Variants in FYN observed in about 807,000 individuals in gnomAD.
The protein encoded by FYN is tyrosine-protein kinase Fyn.
FYN carries 10 observed loss-of-function variants against 70.2 expected under a neutral mutation model. That is an observed-to-expected ratio of 0.14 (90% CI 0.09 to 0.24). The LOEUF (loss-of-function observed/expected upper bound fraction) is 0.24, where lower values mean the gene tolerates loss of function less well. Among genes scored for constraint, FYN ranks in the 10% least tolerant of loss-of-function variants. The pLI, the probability that FYN is intolerant of heterozygous loss-of-function variation, is 1.00. For synonymous variants in FYN, 236 were observed against 248.6 expected (o/e 0.95, Z 0.48); for missense variants, 319 against 673.1 (o/e 0.47, Z 5.82).
intron 4 of FYN, among the ~76,000 whole-genome samples, chr6:111,716,014 A>G (rs550427419): frequency 4.6e-5 from 7 of 152,372 alleles, no homozygotes; most frequent in Non-Finnish European, 1.0e-4. Context: ...TTTAGTACAT[A>G]TAAGATAATA....
intron 9 of FYN, among the ~76,000 whole-genome samples, chr6:111,698,811 G>A (rs548257175): frequency 1.1e-4 from 17 of 152,238 alleles, no homozygotes; most frequent in African/African-American, 2.9e-4. Flanking sequence ...CCAGCCGGGC[G>A]TGGTGGCTCA....
chr6:111,858,112 G>A (rs750092955), intron 1 of FYN, among the ~76,000 whole-genome samples: 2 of 152,202 alleles, frequency 1.3e-5, no homozygotes, highest in East Asian at 1.9e-4. Flanking sequence ...CAGGACTGTC[G>A]GGATTTCCCC....
intron 1 of FYN, 24 bp from the exon 2 acceptor site, chr6:111,846,653 T>G (rs1029655329): frequency 7.5e-6 from 3 of 397,958 alleles, no homozygotes; most frequent in Middle Eastern, 6.2e-4. Flanking sequence ...AAAAAAAAAG[T>G]GAGACATCAA....
chr6:111,699,823 G>A (rs546399763), intron 9 of FYN: 1 of 768,482 alleles, frequency 1.3e-6, no homozygotes, highest in Non-Finnish European at 2.0e-6. Context: ...ATGGCAGCTG[G>A]AACATTCCTT....
intron 2 of FYN, among the ~76,000 whole-genome samples, chr6:111,802,827 G>A (rs773771194): frequency 1.3e-5 from 2 of 151,542 alleles, no homozygotes; most frequent in Non-Finnish European, 2.9e-5. Context: ...TTATTCCTTT[G>A]TGGGACAGGA....
chr6:111,725,307 A>G (rs1292164415), intron 3 of FYN, among the ~76,000 whole-genome samples: 1 of 152,230 alleles, frequency 6.6e-6, no homozygotes, highest in Non-Finnish European at 1.5e-5. Context: ...CCACATCAGC[A>G]GCAATGAGGT....
intron 1 of FYN, among the ~76,000 whole-genome samples, chr6:111,846,984 T>C (rs72944217): frequency 0.036 from 5,547 of 152,218 alleles, 126 homozygotes; most frequent in Middle Eastern, 0.068. Flanking sequence ...AAGTCATCAA[T>C]GGTTGGGGCA....
intron 2 of FYN, among the ~76,000 whole-genome samples, chr6:111,828,668 A>G (rs1772914084): frequency 6.6e-6 from 1 of 152,202 alleles, no homozygotes; most frequent in Admixed American, 6.5e-5. Context: ...GACACATTCT[A>G]TATGATCCAC....
intron 1 of FYN, among the ~76,000 whole-genome samples, chr6:111,847,376 T>C (rs1034560580): frequency 2.0e-5 from 3 of 152,220 alleles, no homozygotes; most frequent in Non-Finnish European, 4.4e-5. Flanking sequence ...CTGGCCAATA[T>C]TATGGTACTT....
At chr6:111,758,421 A>T (rs192719742) in intron 3 of FYN, among the ~76,000 whole-genome samples, 10 of 152,322 alleles carry the variant, frequency 6.6e-5, no homozygotes, top group African/African-American at 1.9e-4. Flanking sequence ...TGTATCTTTA[A>T]GTACTTTACA....
rs1456495702 is a variant in FYN at position 111,859,475 on chromosome 6, A to G, written c.-122-12846T>C. The stretch of plus-strand genomic sequence containing the variant: ...AATTTTTTCTAGATTCTCCAAGCCC[A>G]CTCTCCCTTCTTCAAATCTCTCAAC... On this transcript the variant is annotated intron_variant, in intron 1 of 13. Transcript: ENST00000354650. 2.0e-5 allele frequency among the ~76,000 whole-genome samples: 3 copies of G among 152,002 alleles called. No individual in the cohort carries two copies. In the East Asian group the frequency reaches 5.8e-4, roughly 29 times the overall value.
chr6:111,797,711 T>TACACAC (rs1335738031), intron 2 of FYN, among the ~76,000 whole-genome samples: 3 of 101,254 alleles, frequency 3.0e-5, no homozygotes, highest in African/African-American at 9.1e-5. Context: ...TATATATATA[T>TACACAC]ACACACACAC....
At chr6:111,839,893 G>A (rs1376857415) in intron 2 of FYN, among the ~76,000 whole-genome samples, 1 of 152,120 alleles carries the variant, frequency 6.6e-6, no homozygotes, top group Non-Finnish European at 1.5e-5. Context: ...AGACTCGGGT[G>A]ACCCTACATC....
chr6:111,792,110 C>T (rs1249895091), intron 2 of FYN, among the ~76,000 whole-genome samples: 1 of 152,130 alleles, frequency 6.6e-6, no homozygotes, highest in African/African-American at 2.4e-5. Context: ...GAGTGGAGAA[C>T]ATAATTGCAA....
rs113212178 is a variant in FYN at position 111,754,965 on chromosome 6, G to A, written c.-12+25601C>T. On this transcript the variant is annotated intron_variant, in intron 3 of 13. Transcript: ENST00000354650. The stretch of plus-strand genomic sequence containing the variant: ...GTTGTGCTTAGACAAGAAAATTTAA[G>A]CTGTTTTTTTTTTTTTTTTAAAGAA... 7.0e-3 allele frequency among the ~76,000 whole-genome samples: 910 copies of A among 130,446 alleles called. 5 individuals carry two copies. Among genetic ancestry groups the A allele is most frequent in the Non-Finnish European group, 9.2e-3 (560 of 60,568 alleles). 85.6% of individuals were successfully genotyped at this position (130,446 alleles called of 152,430 possible).
At chr6:111,780,293 C>T (rs567728972) in intron 3 of FYN, among the ~76,000 whole-genome samples, 1 of 152,124 alleles carries the variant, frequency 6.6e-6, no homozygotes, top group Non-Finnish European at 1.5e-5. Flanking sequence ...ACATAAACTG[C>T]CAAGGGTATT....
intron 5 of FYN, among the ~76,000 whole-genome samples, chr6:111,713,912 C>T (rs1405635277): frequency 1.3e-5 from 2 of 152,214 alleles, no homozygotes; most frequent in African/African-American, 4.8e-5. Flanking sequence ...AAATAAAGAA[C>T]TTGTTGCAAG....
At position 111,836,379 on chromosome 6, in the gene FYN, C is replaced by T. The variant is rs142298678; in HGVS notation, c.-82+10210G>A. Among the ~76,000 whole-genome samples the T allele has an allele frequency of 2.4e-4, 36 of 152,240 alleles. No individual in the cohort carries two copies. In the East Asian group the frequency reaches 6.9e-3, roughly 29 times the overall value. ...ATGATGGTTGCCTAATATTTACATG[C>T]AAATAGGCCTCAGATATTAACTGAT... is the stretch of plus-strand genomic sequence containing the variant. On this transcript the variant is annotated intron_variant, in intron 2 of 13. Coordinates refer to ENST00000354650, the MANE Select transcript of FYN (RefSeq NM_002037.5).
At chr6:111,739,502 C>T (rs1009610314) in intron 3 of FYN, among the ~76,000 whole-genome samples, 4 of 152,208 alleles carry the variant, frequency 2.6e-5, no homozygotes, top group Non-Finnish European at 5.9e-5. Flanking sequence ...CCTGCCCAGC[C>T]GCCTGTCTCA....
Sources: allele counts gnomAD v4.1 joint callset (sites outside exome capture counted in the v4.1 genomes callset), GRCh38; gene constraint gnomAD v4.1.1; transcripts MANE v1.5; gene names NCBI Gene and HGNC (gene_info 2026-07-23, HGNC 2026-07-21).